The following CNGA1 variants were observed in gnomAD, a reference collection of about 807,000 sequenced individuals.
CNGA1 encodes the protein cyclic nucleotide-gated channel alpha-1.
CNGA1 carries 53 observed loss-of-function variants against 69.7 expected under a neutral mutation model. The observed-to-expected ratio is 0.76, with a 90% CI of 0.61 to 0.96. The LOEUF is 0.96. CNGA1 is among the 40% of genes least tolerant of loss of function. The pLI is 0.00. For synonymous variants in CNGA1, 249 were observed against 283.5 expected (o/e 0.88, Z 1.22); for missense variants, 739 against 811.2 (o/e 0.91, Z 1.08).
chr4:47,972,364 C>T (rs1194331473), intron 3 of CNGA1, among the ~76,000 whole-genome samples: 1 of 152,156 alleles, frequency 6.6e-6, no homozygotes, highest in Non-Finnish European at 1.5e-5. Flanking sequence ...TCTCCTTAGT[C>T]ACATGTGCAA....
chr4:47,963,787 T>C (rs913010855), intron 3 of CNGA1, among the ~76,000 whole-genome samples: 9 of 152,182 alleles, frequency 5.9e-5, no homozygotes, highest in Admixed American at 3.9e-4. Flanking sequence ...TGCCAATTCA[T>C]AGGACTCTTA....
chr4:47,938,139 G>A (rs1477492531), intron 10 of CNGA1, among the ~76,000 whole-genome samples: 2 of 147,914 alleles, frequency 1.4e-5, no homozygotes, highest in African/African-American at 2.5e-5. Context: ...TAGCACTACT[G>A]CATTCCAGCC....
intron 3 of CNGA1, among the ~76,000 whole-genome samples, chr4:47,963,224 T>A (rs1740554919): frequency 6.6e-6 from 1 of 152,260 alleles, no homozygotes; most frequent in Non-Finnish European, 1.5e-5. Context: ...GTGTTGGAAT[T>A]ACAGGCGTGG....
chr4:47,971,168 T>TTGTGTG (rs34771990), intron 3 of CNGA1: 11,088 of 384,948 alleles, frequency 0.029, 135 homozygotes, highest in East Asian at 0.067. Context: ...ATATCTATAT[T>TTGTGTG]TGTGTGTGTG....
intron 2 of CNGA1, among the ~76,000 whole-genome samples, chr4:48,005,034 A>G (rs1312189285): frequency 6.6e-6 from 1 of 152,206 alleles, no homozygotes; most frequent in African/African-American, 2.4e-5. Context: ...TAGTTTTTGA[A>G]ACATAATTTT....
chr4:47,974,080 A>G (rs1254240285), intron 3 of CNGA1, among the ~76,000 whole-genome samples: 1 of 95,544 alleles, frequency 1.0e-5, no homozygotes, highest in African/African-American at 3.8e-5. Flanking sequence ...AGATAGATAG[A>G]TAGATAGATA....
At chr4:47,970,447 T>A (rs1740953025) in intron 3 of CNGA1, among the ~76,000 whole-genome samples, 1 of 151,968 alleles carries the variant, frequency 6.6e-6, no homozygotes. Context: ...GGTCGGGATT[T>A]CGAGGCCAGC....
chr4:47,964,036 G>A (rs190756559), intron 3 of CNGA1, among the ~76,000 whole-genome samples: 6 of 152,240 alleles, frequency 3.9e-5, no homozygotes, highest in East Asian at 1.9e-4. Context: ...GTGAATGAAC[G>A]TGTACATATA....
chr4:47,947,174 G>C lies in CNGA1; in HGVS notation c.287+2659C>G, dbSNP rs1255742336. Reference sequence around the variant, plus strand: ...TTTTCCACTCAGCACCTATTTATCAGCCCCCACCTGTGGTCATATGTGGGG... The same window carrying C: ...TTTTCCACTCAGCACCTATTTATCACCCCCCACCTGTGGTCATATGTGGGG... On this transcript the variant is annotated intron_variant, in intron 6 of 10. Coordinates refer to ENST00000514170, the MANE Select transcript of CNGA1 (RefSeq NM_001379270.1). Among the ~76,000 whole-genome samples, 6 of 152,064 alleles carry C rather than the reference G, an allele frequency of 3.9e-5. No individual in the cohort carries two copies. In the East Asian group the frequency reaches 1.2e-3, roughly 29 times the overall value.
chr4:48,008,424 C>A (rs1346363727), intron 2 of CNGA1, among the ~76,000 whole-genome samples: 3 of 151,946 alleles, frequency 2.0e-5, no homozygotes, highest in Non-Finnish European at 2.9e-5. Flanking sequence ...CTCCTCTTAC[C>A]TTGTTTTGTA....
chr4:47,952,309 A>C (rs1203331046), intron 4 of CNGA1, among the ~76,000 whole-genome samples: 2 of 152,146 alleles, frequency 1.3e-5, no homozygotes, highest in Non-Finnish European at 2.9e-5. Flanking sequence ...CAGAGGTTGC[A>C]GTGAGCTGAG....
At chr4:47,956,361 T>C (rs1424483111) in intron 3 of CNGA1, among the ~76,000 whole-genome samples, 3 of 152,216 alleles carry the variant, frequency 2.0e-5, no homozygotes, top group Non-Finnish European at 4.4e-5. Context: ...TTGTGCCAGG[T>C]GCAGTGGAAG....
intron 6 of CNGA1, among the ~76,000 whole-genome samples, chr4:47,946,320 T>C (rs954502767): frequency 6.6e-6 from 1 of 152,214 alleles, no homozygotes; most frequent in African/African-American, 2.4e-5. Context: ...TGGAAAACAA[T>C]GCATTCACTT....
At chr4:48,000,374 GT>G (rs569343152) in intron 2 of CNGA1, among the ~76,000 whole-genome samples, 48 of 146,104 alleles carry the variant, frequency 3.3e-4, no homozygotes, top group East Asian at 6.0e-4. Context: ...AACAATAAGT[GT>G]TTTTTTTTTT....
In CNGA1 at chr4:47,937,783, T is replaced by C; in HGVS notation, c.699A>G (p.Ile233Met). The change falls in exon 11 of 11, where the codon ATA (isoleucine) becomes ATG (methionine). Residue 233 changes from isoleucine to methionine, a missense_variant. Ile to Met is a conservative substitution (Grantham distance 10). Transcript: ENST00000514170. ...GLLVKEELKL[I>M]NKYKSNLQFK... ...ATTGCAAGTTGGATTTATATTTATT[T>C]ATGAGTTTAAGTTCTTCCTTTACCA... The C allele has an allele frequency of 6.2e-7, 1 of 1,613,420 alleles. No homozygotes were observed. Among genetic ancestry groups the C allele is most frequent in the Middle Eastern group, 1.7e-4 (1 of 6,050 alleles).
chr4:47,958,587 G>A lies in CNGA1; in HGVS notation c.-14-5884C>T, dbSNP rs557297376. 2.8e-4 allele frequency among the ~76,000 whole-genome samples: 42 copies of A among 150,952 alleles called. No homozygotes were observed. In the South Asian group the frequency reaches 8.0e-3, roughly 29 times the overall value. The stretch of plus-strand genomic sequence containing the variant: ...CAGTGAGCCGAGATCGCACCATTGC[G>A]CACCAACCTGGGCAACAAAGCAAGA... On this transcript the variant is annotated intron_variant, in intron 3 of 10. Coordinates refer to ENST00000514170, the MANE Select transcript of CNGA1 (RefSeq NM_001379270.1).
intron 6 of CNGA1, among the ~76,000 whole-genome samples, chr4:47,944,416 A>G (rs1214193313): frequency 6.6e-6 from 1 of 152,220 alleles, no homozygotes; most frequent in Non-Finnish European, 1.5e-5. Flanking sequence ...ATTTACTGCT[A>G]TGGGAGTACA....
intron 3 of CNGA1, among the ~76,000 whole-genome samples, chr4:47,955,496 T>G (rs1028991681): frequency 2.6e-5 from 4 of 152,334 alleles, no homozygotes; most frequent in African/African-American, 9.6e-5. Context: ...ATAACAATTT[T>G]TTTAATGATT....
intron 1 of CNGA1, among the ~76,000 whole-genome samples, chr4:48,015,043 T>TGG (rs1277867888): frequency 6.7e-6 from 1 of 149,294 alleles, no homozygotes; most frequent in Non-Finnish European, 1.5e-5. Flanking sequence ...CCGGGCGTGG[T>TGG]GGGGGGCGCC....
Sources: gnomAD v4.1 joint callset for allele counts (sites outside exome capture counted in the v4.1 genomes callset) on GRCh38, gnomAD v4.1.1 for gene constraint, MANE v1.5 for transcripts, NCBI Gene and HGNC (gene_info 2026-07-23, HGNC 2026-07-21) for gene names.